The following RAPGEF5 variants were observed in gnomAD, a reference collection of about 807,000 sequenced individuals.
RAPGEF5 encodes M-Ras-regulated GEF.
In RAPGEF5, 65 loss-of-function variants were observed where a neutral mutation model predicts 125.2. That is an observed-to-expected ratio of 0.52 (90% confidence interval 0.43 to 0.64). RAPGEF5 has a LOEUF of 0.64. Ranked by LOEUF, RAPGEF5 falls within the 30% of genes least tolerant of loss-of-function variation. The probability of loss-of-function intolerance (pLI) is 0.00; values close to 1 mark genes in which losing one functional copy is unlikely to be tolerated. For missense variants in RAPGEF5, 958 were observed against 1,048.1 expected (o/e 0.91, Z 1.19); for synonymous variants, 391 against 385.9 (o/e 1.01, Z -0.16).
chr7:22,210,519 G>A (rs992783131), intron 9 of RAPGEF5, among the ~76,000 whole-genome samples: 9 of 152,282 alleles, frequency 5.9e-5, no homozygotes, highest in Admixed American at 2.6e-4. Context: ...GACTCATTAA[G>A]TTTTTTGAGC....
At chr7:22,271,973 G>A (rs1229439330) in intron 6 of RAPGEF5, among the ~76,000 whole-genome samples, 6 of 152,150 alleles carry the variant, frequency 3.9e-5, no homozygotes, top group Non-Finnish European at 7.4e-5. Flanking sequence ...CATGGGAGAG[G>A]TTAACTGAGA....
intron 1 of RAPGEF5, among the ~76,000 whole-genome samples, chr7:22,326,901 T>C (rs1015835705): frequency 3.3e-5 from 5 of 152,304 alleles, no homozygotes; most frequent in African/African-American, 1.2e-4. Context: ...TTAAAGAGGA[T>C]GAGAGGAAAC....
intron 5 of RAPGEF5, among the ~76,000 whole-genome samples, chr7:22,292,214 G>A (rs1413767802): frequency 6.6e-6 from 1 of 152,228 alleles, no homozygotes; most frequent in East Asian, 1.9e-4. Context: ...TTATGGGGCA[G>A]GAGGGCTTCT....
At chr7:22,273,440 G>A (rs182579416) in intron 6 of RAPGEF5, among the ~76,000 whole-genome samples, 3,655 of 150,458 alleles carry the variant, frequency 0.024, 83 homozygotes, top group South Asian at 0.084. Context: ...GGATGGTCTC[G>A]ATCTCCTGAC....
At chr7:22,339,287 C>T (rs1784083141) in intron 1 of RAPGEF5, among the ~76,000 whole-genome samples, 1 of 152,216 alleles carries the variant, frequency 6.6e-6, no homozygotes, top group Non-Finnish European at 1.5e-5. Flanking sequence ...TTCGGTCTCT[C>T]ACTCTGCCTT....
intron 6 of RAPGEF5, among the ~76,000 whole-genome samples, chr7:22,270,447 A>C (rs1288588165): frequency 6.6e-6 from 1 of 152,210 alleles, no homozygotes; most frequent in Admixed American, 6.5e-5. Flanking sequence ...TTCTACTGTA[A>C]TCTAACTGTG....
intron 7 of RAPGEF5, among the ~76,000 whole-genome samples, chr7:22,251,282 C>CA (rs1786612282): frequency 6.6e-6 from 1 of 152,194 alleles, no homozygotes; most frequent in Non-Finnish European, 1.5e-5. Flanking sequence ...GCCACCCCCC[C>CA]AGCAACCACT....
chr7:22,150,634 G>C, intron 17 of RAPGEF5, 130 bp from the exon 18 acceptor site: 1 of 1,281,396 alleles, frequency 7.8e-7, no homozygotes, highest in Non-Finnish European at 1.0e-6. Flanking sequence ...AGAACTTAAA[G>C]TGGATTAATT....
chr7:22,186,306 TTA>T (rs1407438640), intron 11 of RAPGEF5, among the ~76,000 whole-genome samples: 3 of 152,254 alleles, frequency 2.0e-5, no homozygotes, highest in Non-Finnish European at 4.4e-5. Context: ...CAAATTTCTT[TTA>T]TGTTATTTTT....
intron 6 of RAPGEF5, among the ~76,000 whole-genome samples, chr7:22,271,284 T>C (rs1782412886): frequency 6.6e-6 from 1 of 152,180 alleles, no homozygotes; most frequent in Admixed American, 6.5e-5. Flanking sequence ...GTGATTCTAT[T>C]GCATCCAGGG....
At chr7:22,124,939 T>C (rs1295780508) in intron 25 of RAPGEF5, among the ~76,000 whole-genome samples, 1 of 152,188 alleles carries the variant, frequency 6.6e-6, no homozygotes. Flanking sequence ...CAGGATTCCA[T>C]TGCCCATGTG....
chr7:22,126,468 C>T (rs1782749181), intron 24 of RAPGEF5, among the ~76,000 whole-genome samples: 1 of 152,178 alleles, frequency 6.6e-6, no homozygotes, highest in African/African-American at 2.4e-5. Context: ...TTTGGATGTG[C>T]AGAGCCTACT....
At chr7:22,345,081 C>G (rs1424279390) in intron 1 of RAPGEF5, among the ~76,000 whole-genome samples, 1 of 152,206 alleles carries the variant, frequency 6.6e-6, no homozygotes, top group Non-Finnish European at 1.5e-5. Flanking sequence ...GGCTGAGGCC[C>G]TGGAATATGT....
chr7:22,266,127 C>G (rs1782276957), intron 7 of RAPGEF5, among the ~76,000 whole-genome samples: 1 of 152,130 alleles, frequency 6.6e-6, no homozygotes, highest in Non-Finnish European at 1.5e-5. Context: ...ATAAAATGTA[C>G]AGTTTGTGTT....
chr7:22,333,633 T>G (rs1041314799), intron 1 of RAPGEF5, among the ~76,000 whole-genome samples: 6 of 151,934 alleles, frequency 3.9e-5, no homozygotes, highest in African/African-American at 1.5e-4. Context: ...TGGTGTAAGG[T>G]ATATGAATGT....
chr7:22,343,565 C>T (rs1420948930), intron 1 of RAPGEF5, among the ~76,000 whole-genome samples: 1 of 152,132 alleles, frequency 6.6e-6, no homozygotes, highest in East Asian at 1.9e-4. Flanking sequence ...CCTAGCATGA[C>T]ATTTCAATAT....
At position 22,142,100 on chromosome 7, in the gene RAPGEF5, C is replaced by T. The variant is rs561110123; in HGVS notation, c.2187-1985G>A. 3.9e-5 allele frequency among the ~76,000 whole-genome samples: 6 copies of T among 152,308 alleles called. No individual in the cohort carries two copies. The East Asian group carries it at 1.2e-3, about 29-fold the overall frequency. ...AATACCAGCCTCCTCTGTAGAGGCT[C>T]TTGTGGTCAGTAAGAACTGTTCCAT... On this transcript the variant is annotated intron_variant, in intron 20 of 25. Coordinates refer to ENST00000665637, the MANE Select transcript of RAPGEF5 (RefSeq NM_012294.5).
chr7:22,278,263 C>A (rs1047470059), intron 6 of RAPGEF5, among the ~76,000 whole-genome samples: 2 of 152,150 alleles, frequency 1.3e-5, no homozygotes, highest in African/African-American at 4.8e-5. Flanking sequence ...ATGTTCTTTT[C>A]TTTCCCTTAT....
intron 1 of RAPGEF5, among the ~76,000 whole-genome samples, chr7:22,332,206 T>C (rs1463793656): frequency 6.6e-6 from 1 of 152,178 alleles, no homozygotes; most frequent in East Asian, 1.9e-4. Flanking sequence ...AAAACAAAAC[T>C]AAAGCCTCCC....
Sources: allele counts gnomAD v4.1 joint callset (sites outside exome capture counted in the v4.1 genomes callset), GRCh38; gene constraint gnomAD v4.1.1; transcripts MANE v1.5; gene names NCBI Gene and HGNC (gene_info 2026-07-23, HGNC 2026-07-21).